The following KCNIP1 variants were observed in gnomAD, a reference collection of about 807,000 sequenced individuals.
KCNIP1 encodes the protein potassium voltage-gated channel interacting protein 1, also known as A-type potassium channel modulatory protein KCNIP1.
A neutral mutation model predicts 33.0 loss-of-function variants in KCNIP1; 18 were observed. That is an observed-to-expected ratio of 0.55 (90% CI 0.38 to 0.81). The LOEUF is 0.81. KCNIP1 is among the 30% of genes least tolerant of loss of function. KCNIP1 has a pLI of 0.00. For missense variants in KCNIP1, 238 were observed against 271.6 expected (o/e 0.88, Z 0.87); for synonymous variants, 93 against 98.3 (o/e 0.95, Z 0.32).
intron 3 of KCNIP1, among the ~76,000 whole-genome samples, chr5:170,721,247 G>A (rs528386708): frequency 6.6e-6 from 1 of 152,302 alleles, no homozygotes; most frequent in African/African-American, 2.4e-5. Flanking sequence ...AGGCAGTTTT[G>A]TCCCATGCAG....
chr5:170,458,944 C>T (rs1230713434), intron 1 of KCNIP1, among the ~76,000 whole-genome samples: 1 of 152,174 alleles, frequency 6.6e-6, no homozygotes, highest in African/African-American at 2.4e-5. Flanking sequence ...CACCAACCAG[C>T]TATCTGCTGC....
intron 1 of KCNIP1, among the ~76,000 whole-genome samples, chr5:170,580,340 C>T (rs1025287576): frequency 6.6e-6 from 1 of 152,190 alleles, no homozygotes; most frequent in Non-Finnish European, 1.5e-5. Context: ...ATCAAATGAG[C>T]AGTTCCTATG....
At chr5:170,635,054 G>A (rs1202629210) in intron 1 of KCNIP1, among the ~76,000 whole-genome samples, 1 of 152,120 alleles carries the variant, frequency 6.6e-6, no homozygotes, top group Non-Finnish European at 1.5e-5. Flanking sequence ...TTTTGAGACA[G>A]AGACTCGCTT....
rs566366476 is a variant in KCNIP1, at chr5:170,585,164, A to C, written c.61+80531A>C. Among the ~76,000 whole-genome samples the C allele has an allele frequency of 6.6e-5, 10 of 152,210 alleles. No individual in the cohort carries two copies. The East Asian group carries it at 1.5e-3, about 24-fold the overall frequency. ...AAACCAAAAAGAAAAAAAAGAAAAAAAAATCTGAGTTGAAAGCTTGCTCTC... is the reference window on the plus strand; with the variant it reads ...AAACCAAAAAGAAAAAAAAGAAAAACAAATCTGAGTTGAAAGCTTGCTCTC... On this transcript the variant is annotated intron_variant, in intron 1 of 7. Coordinates refer to ENST00000328939, the MANE Select transcript of KCNIP1 (RefSeq NM_014592.4).
chr5:170,354,265 G>A (rs911582289), intron 1 of KCNIP1, among the ~76,000 whole-genome samples: 1 of 152,170 alleles, frequency 6.6e-6, no homozygotes. Context: ...ATTGGAAGTG[G>A]CTTAGCGTGA....
intron 3 of KCNIP1, among the ~76,000 whole-genome samples, chr5:170,720,788 T>C (rs556621633): frequency 3.3e-5 from 5 of 152,372 alleles, no homozygotes; most frequent in Admixed American, 2.0e-4. Flanking sequence ...GGCACCACCA[T>C]TGTGCAGGGC....
chr5:170,482,978 C>T (rs1183430242), intron 1 of KCNIP1: 1 of 420,242 alleles, frequency 2.4e-6, no homozygotes, highest in Non-Finnish European at 4.7e-6. Flanking sequence ...TTCCATGCAT[C>T]CCTAGAAAAC....
chr5:170,720,263 G>C, intron 2 of KCNIP1, 58 bp from the exon 3 acceptor site: 2 of 1,272,980 alleles, frequency 1.6e-6, no homozygotes, highest in Non-Finnish European at 1.1e-6. Context: ...GCTGGGCCCA[G>C]TCTTCTCCTA....
At chr5:170,496,747 G>A (rs932186184) in intron 1 of KCNIP1, among the ~76,000 whole-genome samples, 9 of 152,106 alleles carry the variant, frequency 5.9e-5, no homozygotes, top group African/African-American at 1.2e-4. Context: ...CACTGCCCCC[G>A]TCATTTCAGT....
chr5:170,528,299 G>T (rs1483813322), intron 1 of KCNIP1, among the ~76,000 whole-genome samples: 1 of 152,178 alleles, frequency 6.6e-6, no homozygotes, highest in African/African-American at 2.4e-5. Flanking sequence ...TGGTCTCTGG[G>T]CAGCTGGATA....
chr5:170,651,785 C>A (rs1022461020), intron 1 of KCNIP1, among the ~76,000 whole-genome samples: 2 of 152,090 alleles, frequency 1.3e-5, no homozygotes. Context: ...GTCTCATATG[C>A]ATTTATATGG....
intron 1 of KCNIP1, among the ~76,000 whole-genome samples, chr5:170,546,444 T>C (rs1756412008): frequency 6.6e-6 from 1 of 152,200 alleles, no homozygotes; most frequent in African/African-American, 2.4e-5. Flanking sequence ...CAGGCTTCTC[T>C]TGTTTCCAAT....
chr5:170,654,187 G>A (rs542310803), intron 1 of KCNIP1, among the ~76,000 whole-genome samples: 37 of 152,200 alleles, frequency 2.4e-4, no homozygotes, highest in African/African-American at 7.2e-4. Flanking sequence ...CCCTGCAACC[G>A]CTATGAGCTG....
intron 1 of KCNIP1, among the ~76,000 whole-genome samples, chr5:170,626,315 T>C (rs544613781): frequency 3.3e-5 from 5 of 152,216 alleles, no homozygotes; most frequent in Non-Finnish European, 5.9e-5. Flanking sequence ...GCTCCCCAGC[T>C]GTTAGGTGCT....
chr5:170,555,430 CA>C (rs1375896240), intron 1 of KCNIP1, among the ~76,000 whole-genome samples: 9 of 152,168 alleles, frequency 5.9e-5, no homozygotes, highest in Non-Finnish European at 1.0e-4. Context: ...ATAGCACTGC[CA>C]GGTCAGTGTT....
At chr5:170,411,928 G>A (rs1755202037) in intron 1 of KCNIP1, among the ~76,000 whole-genome samples, 1 of 152,188 alleles carries the variant, frequency 6.6e-6, no homozygotes, top group Non-Finnish European at 1.5e-5. Context: ...TAGATGGAGA[G>A]AGAGAGGTTG....
In KCNIP1 at chr5:170,640,324, G is replaced by A. The variant is rs143395485; in HGVS notation, c.62-78434G>A. ...TATATCAACATTGTGAGTAGGGCACGCAGGGAAGAAACCTGTTCAACCCAG... is the reference window on the plus strand; with the variant it reads ...TATATCAACATTGTGAGTAGGGCACACAGGGAAGAAACCTGTTCAACCCAG... On this transcript the variant is annotated intron_variant, in intron 1 of 7. Transcript: ENST00000328939. Among the ~76,000 whole-genome samples the A allele has an allele frequency of 7.4e-4, 113 of 152,282 alleles. 1 individual carries two copies. Among genetic ancestry groups the A allele is most frequent in the Non-Finnish European group, 9.6e-4 (65 of 68,030 alleles).
At chr5:170,547,524 C>T (rs1581307494) in intron 1 of KCNIP1, among the ~76,000 whole-genome samples, 1 of 152,166 alleles carries the variant, frequency 6.6e-6, no homozygotes, top group Non-Finnish European at 1.5e-5. Context: ...GATCCTCTCC[C>T]TCCTCCCACC....
chr5:170,503,732 A>T (rs1754556676), upstream of KCNIP1, among the ~76,000 whole-genome samples: 1 of 35,002 alleles, frequency 2.9e-5, no homozygotes, highest in African/African-American at 7.3e-5. Context: ...CATCACACAC[A>T]CACACACACA....
Sources: allele counts gnomAD v4.1 joint callset (sites outside exome capture counted in the v4.1 genomes callset), GRCh38; gene constraint gnomAD v4.1.1; transcripts MANE v1.5; gene names NCBI Gene and HGNC (gene_info 2026-07-23, HGNC 2026-07-21).